ATP6V0A4: variants seen among roughly 807,000 people sequenced by gnomAD.
ATP6V0A4 encodes the protein V-type proton ATPase 116 kDa subunit a 4.
ATP6V0A4 carries 86 observed loss-of-function variants against 107.3 expected under a neutral mutation model. The ratio of observed to expected loss-of-function variants is 0.80; its 90% CI spans 0.67 to 0.96. The LOEUF is 0.96. Among genes scored for constraint, ATP6V0A4 ranks in the 40% least tolerant of loss-of-function variants. The pLI is 0.00. For missense variants in ATP6V0A4, 908 were observed against 1,045.6 expected (o/e 0.87, Z 1.81); for synonymous variants, 353 against 381.4 (o/e 0.93, Z 0.87).
In ATP6V0A4 at chr7:138,715,795, C is replaced by T; in HGVS notation, c.2226G>A (p.Leu742=). The T allele has an allele frequency of 5.6e-6, 9 of 1,612,512 alleles. No homozygotes were observed. The highest frequency in any genetic ancestry group is 7.6e-6 in the Non-Finnish European group (9 of 1,179,856). Residue 742 remains leucine, a synonymous_variant, in exon 20 of 22, where the codon CTG becomes CTA. Transcript: ENST00000310018. ...LGCISNTASY[L]RLWALSLAHA... is the part of the protein sequence containing the mutation. Reference sequence around the variant, plus strand: ...GAGCCAGGCTGAGGGCCCAGAGCCGCAGGTAGGAGGCTGTGTTTGAAATGC... The same window carrying T: ...GAGCCAGGCTGAGGGCCCAGAGCCGTAGGTAGGAGGCTGTGTTTGAAATGC...
intron 2 of ATP6V0A4, among the ~76,000 whole-genome samples, chr7:138,781,017 T>G (rs1283927791): frequency 1.3e-5 from 2 of 152,258 alleles, no homozygotes; most frequent in Non-Finnish European, 2.9e-5. Context: ...GTCTTATCAA[T>G]AAGTCTACAA....
At chr7:138,775,276 C>T (rs1396259436) in intron 2 of ATP6V0A4, among the ~76,000 whole-genome samples, 1 of 152,130 alleles carries the variant, frequency 6.6e-6, no homozygotes, top group Non-Finnish European at 1.5e-5. Flanking sequence ...TTCCCCTCCC[C>T]ACCTCTGATT....
chr7:138,709,594 A>G, intron 21 of ATP6V0A4, 30 bp downstream of exon 21: 1 of 1,606,274 alleles, frequency 6.2e-7, no homozygotes, highest in African/African-American at 1.3e-5. Flanking sequence ...CCAACACCAC[A>G]TTGAGCTTCC....
intron 21 of ATP6V0A4, among the ~76,000 whole-genome samples, chr7:138,709,024 C>T (rs12540452): frequency 2.0e-5 from 3 of 151,928 alleles, no homozygotes; most frequent in African/African-American, 7.3e-5. Context: ...GCCTAGCAAA[C>T]ATGGGGAAAC....
chr7:138,708,016 ATTTT>A (rs1373944972), intron 21 of ATP6V0A4, among the ~76,000 whole-genome samples: 1 of 138,794 alleles, frequency 7.2e-6, no homozygotes, highest in Non-Finnish European at 1.6e-5. Context: ...TTTATGTTTT[ATTTT>A]ATTTATTTAT....
chr7:138,765,872 C>T (rs1270050705), intron 5 of ATP6V0A4, among the ~76,000 whole-genome samples: 2 of 152,134 alleles, frequency 1.3e-5, no homozygotes, highest in African/African-American at 2.4e-5. Context: ...GCCTTAGCCT[C>T]CCAAGTAGCT....
intron 2 of ATP6V0A4, among the ~76,000 whole-genome samples, chr7:138,782,778 A>ATGGGCATGGAAATTGGC (rs1807981138): frequency 6.6e-6 from 1 of 152,152 alleles, no homozygotes; most frequent in Non-Finnish European, 1.5e-5. Context: ...TGAAGAAAAG[A>ATGGGCATGGAAATTGGC]TGGGCATGGA....
chr7:138,734,593 C>A (rs942851129), intron 15 of ATP6V0A4, among the ~76,000 whole-genome samples: 1 of 151,740 alleles, frequency 6.6e-6, no homozygotes, highest in African/African-American at 2.4e-5. Context: ...TCTGGTCAAC[C>A]TGGCGAAACC....
rs749177967 is a variant in ATP6V0A4, at chr7:138,759,886, G to C, written c.513-8C>G. 1 of 1,614,044 alleles carries C rather than the reference G, an allele frequency of 6.2e-7. No homozygotes were observed. The highest frequency in any genetic ancestry group is 1.7e-5 in the Admixed American group (1 of 60,010). ...ATCACACCGGCTATGAACCTAGGCA[G>C]CCAGAAGGGAAGACATTCCTTAAGG... is the stretch of plus-strand genomic sequence containing the variant. On this transcript the variant is annotated splice_region_variant and splice_polypyrimidine_tract_variant and intron_variant, in intron 7 of 21. Transcript: ENST00000310018.
chr7:138,729,034 A>C lies in ATP6V0A4; in HGVS notation c.1909-172T>G, dbSNP rs990094119. The stretch of plus-strand genomic sequence containing the variant: ...CCTGGAATATTCCCCTTGCAGATAG[A>C]GAAATATCTGTCCAGTGTTTCCAAA... On this transcript the variant is annotated intron_variant, in intron 17 of 21. Coordinates refer to ENST00000310018, the MANE Select transcript of ATP6V0A4 (RefSeq NM_020632.3). The C allele has an allele frequency of 6.0e-6, 5 of 830,054 alleles. No homozygotes were observed. In the African/African-American group the frequency reaches 9.3e-5, roughly 15 times the overall value. The allele number at this position is 830,054 out of a possible 1,614,324, so 51.4% of individuals were successfully genotyped here.
At chr7:138,715,922 T>G in intron 19 of ATP6V0A4, 41 bp from the exon 20 acceptor site, 1 of 1,607,954 alleles carries the variant, frequency 6.2e-7, no homozygotes, top group Non-Finnish European at 8.5e-7. Context: ...TTGAGAATTT[T>G]CTACACAAAA....
At chr7:138,728,719 T>G (rs1267638796) in intron 18 of ATP6V0A4, 42 bp downstream of exon 18, 1 of 1,613,138 alleles carries the variant, frequency 6.2e-7, no homozygotes. Context: ...GAAACCCACA[T>G]TCTTATGCAA....
chr7:138,760,614 T>C (rs1445129421), intron 7 of ATP6V0A4, among the ~76,000 whole-genome samples: 1 of 152,180 alleles, frequency 6.6e-6, no homozygotes, highest in Non-Finnish European at 1.5e-5. Flanking sequence ...TATCCAAGCA[T>C]GTAGATAACT....
chr7:138,746,895 G>A (rs1290579118), intron 13 of ATP6V0A4, among the ~76,000 whole-genome samples: 3 of 152,176 alleles, frequency 2.0e-5, no homozygotes, highest in African/African-American at 4.8e-5. Flanking sequence ...GTGGGGAAAC[G>A]ATGTTCAGGG....
chr7:138,718,687 G>T (rs1373030984), intron 19 of ATP6V0A4, among the ~76,000 whole-genome samples: 1 of 115,896 alleles, frequency 8.6e-6, no homozygotes, highest in East Asian at 3.0e-4. Context: ...GGGGGGGGGG[G>T]GTGCAGTCAC....
chr7:138,738,907 G>T (rs567512947), intron 15 of ATP6V0A4, among the ~76,000 whole-genome samples: 5 of 152,148 alleles, frequency 3.3e-5, no homozygotes, highest in African/African-American at 1.2e-4. Flanking sequence ...GCACAAGGCC[G>T]CCACCTGGTG....
At chr7:138,777,095 G>C (rs1164028918) in intron 2 of ATP6V0A4, among the ~76,000 whole-genome samples, 4 of 151,536 alleles carry the variant, frequency 2.6e-5, no homozygotes, top group Non-Finnish European at 4.4e-5. Flanking sequence ...GTTGCAGTGA[G>C]CCGAGATCGC....
At chr7:138,713,057 G>A (rs1267600625) in intron 20 of ATP6V0A4, among the ~76,000 whole-genome samples, 2 of 151,858 alleles carry the variant, frequency 1.3e-5, no homozygotes, top group Non-Finnish European at 2.9e-5. Flanking sequence ...TTGGGAGGCC[G>A]AGGCGGGCAG....
chr7:138,795,631 AT>A (rs1280474802), intron 1 of ATP6V0A4, among the ~76,000 whole-genome samples: 1 of 151,966 alleles, frequency 6.6e-6, no homozygotes, highest in Non-Finnish European at 1.5e-5. Flanking sequence ...CCAGTTTTTG[AT>A]TGTTCAAATT....
Sources: gnomAD v4.1 joint callset for allele counts (sites outside exome capture counted in the v4.1 genomes callset) on GRCh38, gnomAD v4.1.1 for gene constraint, MANE v1.5 for transcripts, NCBI Gene and HGNC (gene_info 2026-07-23, HGNC 2026-07-21) for gene names.